SH3PXD2A: variants seen among roughly 807,000 people sequenced by gnomAD.
SH3PXD2A encodes the protein SH3 and PX domain-containing protein 2A.
In SH3PXD2A, 32 loss-of-function variants were observed where a neutral mutation model predicts 115.2. The ratio of observed to expected loss-of-function variants is 0.28; its 90% CI spans 0.21 to 0.37. SH3PXD2A has a LOEUF of 0.37. SH3PXD2A is among the 10% of genes least tolerant of loss of function. SH3PXD2A has a pLI of 1.00. For missense variants in SH3PXD2A, 1,328 were observed against 1,498.7 expected (o/e 0.89, Z 1.88); for synonymous variants, 610 against 629.1 (o/e 0.97, Z 0.45).
chr10:103,738,323 C>T (rs1378234758), intron 3 of SH3PXD2A, among the ~76,000 whole-genome samples: 1 of 152,180 alleles, frequency 6.6e-6, no homozygotes, highest in Non-Finnish European at 1.5e-5. Flanking sequence ...GGTTGCCTGT[C>T]GCTTGATTGC....
At chr10:103,821,263 C>T (rs564808725) in intron 1 of SH3PXD2A, among the ~76,000 whole-genome samples, 1 of 150,270 alleles carries the variant, frequency 6.7e-6, no homozygotes, top group South Asian at 2.1e-4. Context: ...CTGCCTCAGC[C>T]TCCCAAGTAG....
At chr10:103,698,518 G>A (rs536489475) in intron 5 of SH3PXD2A, among the ~76,000 whole-genome samples, 47 of 152,344 alleles carry the variant, frequency 3.1e-4, no homozygotes, top group Non-Finnish European at 5.7e-4. Flanking sequence ...TGACTTGGGG[G>A]TGACCTTCAG....
intron 2 of SH3PXD2A, among the ~76,000 whole-genome samples, chr10:103,789,552 C>CACACAT (rs976667636): frequency 4.0e-5 from 6 of 151,692 alleles, no homozygotes; most frequent in African/African-American, 1.5e-4. Flanking sequence ...CACACACACA[C>CACACAT]ACACAACACT....
rs899894560 is a variant in SH3PXD2A, at chr10:103,806,128, A to G, written c.73-4766T>C. On this transcript the variant is annotated intron_variant, in intron 1 of 14. Transcript: ENST00000369774. ...TATGCCCTGAGCAGCCATGAATGTG[A>G]CTCAGTGTGAAGGATGGGGAAGCGA... Among the ~76,000 whole-genome samples the G allele has an allele frequency of 3.9e-5, 6 of 152,200 alleles. No individual in the cohort carries two copies. In the East Asian group the frequency reaches 1.2e-3, roughly 29 times the overall value.
chr10:103,766,500 G>A (rs1041155247), intron 3 of SH3PXD2A, among the ~76,000 whole-genome samples: 1 of 152,146 alleles, frequency 6.6e-6, no homozygotes, highest in Non-Finnish European at 1.5e-5. Context: ...TCGGTATAGA[G>A]ATGTGCATAT....
intron 6 of SH3PXD2A, chr10:103,678,256 TC>T: frequency 1.4e-6 from 1 of 711,974 alleles, no homozygotes; most frequent in Non-Finnish European, 2.2e-6. Flanking sequence ...TCTGCGTGGG[TC>T]CAGACCAATC....
At chr10:103,810,086 A>C (rs778590571) in intron 1 of SH3PXD2A, among the ~76,000 whole-genome samples, 1 of 152,188 alleles carries the variant, frequency 6.6e-6, no homozygotes, top group Non-Finnish European at 1.5e-5. Context: ...TGCAGAATGA[A>C]GATCACAGTA....
chr10:103,750,899 C>T lies in SH3PXD2A; in HGVS notation c.230-15091G>A, dbSNP rs189971714. Among the ~76,000 whole-genome samples, 210 of 152,302 alleles carry T rather than the reference C, an allele frequency of 1.4e-3. 1 individual carries two copies. Among genetic ancestry groups the T allele is most frequent in the African/African-American group, 4.9e-3 (205 of 41,566 alleles). ...TTGCTTTGCCTGTGAACAATTTTGT[C>T]AGCACTACCCACAATGAGGGCCTAA... On this transcript the variant is annotated intron_variant, in intron 3 of 14. Coordinates refer to ENST00000369774, the MANE Select transcript of SH3PXD2A (RefSeq NM_001394015.1).
chr10:103,758,928 C>T (rs1471203921), intron 3 of SH3PXD2A, among the ~76,000 whole-genome samples: 1 of 152,232 alleles, frequency 6.6e-6, no homozygotes, highest in Non-Finnish European at 1.5e-5. Flanking sequence ...CTCAACCTCT[C>T]TTCCTTGGGG....
At chr10:103,714,438 T>C (rs1043441563) in intron 5 of SH3PXD2A, among the ~76,000 whole-genome samples, 2 of 152,180 alleles carry the variant, frequency 1.3e-5, no homozygotes, top group Non-Finnish European at 2.9e-5. Flanking sequence ...TCCCTGGACA[T>C]GGGCCTCCCA....
intron 3 of SH3PXD2A, among the ~76,000 whole-genome samples, chr10:103,738,324 G>A (rs17115877): frequency 0.031 from 4,746 of 152,268 alleles, 230 homozygotes; most frequent in African/African-American, 0.1. Context: ...GTTGCCTGTC[G>A]CTTGATTGCT....
intron 1 of SH3PXD2A, among the ~76,000 whole-genome samples, chr10:103,813,272 G>C (rs931798396): frequency 6.6e-6 from 1 of 152,176 alleles, no homozygotes; most frequent in Non-Finnish European, 1.5e-5. Flanking sequence ...GAATGAGAGA[G>C]AGGAGAAATG....
intron 2 of SH3PXD2A, among the ~76,000 whole-genome samples, chr10:103,787,259 G>A (rs1207244459): frequency 6.6e-6 from 1 of 152,132 alleles, no homozygotes; most frequent in Non-Finnish European, 1.5e-5. Flanking sequence ...CCCGCACCCT[G>A]GTTCTTGACT....
rs34903223 is a variant in SH3PXD2A at position 103,767,810 on chromosome 10, G to GTTTTTTTTTT, written c.154-651_154-642dup. Among the ~76,000 whole-genome samples, 345 of 67,574 alleles carry GTTTTTTTTTT rather than the reference G, an allele frequency of 5.1e-3. 5 individuals carry two copies. The highest frequency in any genetic ancestry group is 6.5e-3 in the East Asian group (14 of 2,164). 44.3% of individuals were successfully genotyped at this position (67,574 alleles called of 152,430 possible). ...AGGGTTCTGGAGGAACAACTGTTTT[G>GTTTTTTTTTT]TTTTTTTTTTTTTTTTTTTTTTTTG... On this transcript the variant is annotated intron_variant, in intron 2 of 14. Coordinates refer to ENST00000369774, the MANE Select transcript of SH3PXD2A (RefSeq NM_001394015.1).
chr10:103,720,629 T>A (rs35176054), intron 5 of SH3PXD2A, among the ~76,000 whole-genome samples: 17,095 of 152,294 alleles, frequency 0.11, 1,105 homozygotes, highest in Non-Finnish European at 0.13. Context: ...GATAATTTGA[T>A]AAGCCACTCC....
rs542172486 is a variant in SH3PXD2A at position 103,756,785 on chromosome 10, T to C, written c.229+10309A>G. ...CAGCATGGCCTCTTGGCTGTCCTTC[T>C]AAGACAGACCTCAGTCTACTTCCCT... On this transcript the variant is annotated intron_variant, in intron 3 of 14. Coordinates refer to ENST00000369774, the MANE Select transcript of SH3PXD2A (RefSeq NM_001394015.1). This position sits in a 1 kb window ranked among gnomAD's most constrained non-coding sequence, Gnocchi z 4.4. Among the ~76,000 whole-genome samples the C allele has an allele frequency of 5.3e-5, 8 of 152,150 alleles. No individual in the cohort carries two copies. Among genetic ancestry groups the C allele is most frequent in the African/African-American group, 1.2e-4 (5 of 41,442 alleles).
At chr10:103,653,834 C>A (rs1592283745) in intron 8 of SH3PXD2A, among the ~76,000 whole-genome samples, 1 of 152,132 alleles carries the variant, frequency 6.6e-6, no homozygotes, top group Non-Finnish European at 1.5e-5. Context: ...CCCTCCTCCC[C>A]ACACAGCCCG....
intron 11 of SH3PXD2A, among the ~76,000 whole-genome samples, chr10:103,613,736 C>G (rs1343268702): frequency 6.6e-6 from 1 of 152,132 alleles, no homozygotes; most frequent in African/African-American, 2.4e-5. Flanking sequence ...TTGCAAGATG[C>G]AGGGATAGAG....
intron 3 of SH3PXD2A, among the ~76,000 whole-genome samples, chr10:103,750,761 T>TCCAACAGGC (rs2038567796): frequency 6.6e-6 from 1 of 151,994 alleles, no homozygotes; most frequent in Non-Finnish European, 1.5e-5. Flanking sequence ...TCCATTCAGG[T>TCCAACAGGC]TGCTTTGTTG....
Sources: gnomAD v4.1 joint callset for allele counts (sites outside exome capture counted in the v4.1 genomes callset) on GRCh38, gnomAD v4.1.1 for gene constraint, Gnocchi (gnomAD v3.1) non-coding constraint, MANE v1.5 for transcripts, NCBI Gene and HGNC (gene_info 2026-07-23, HGNC 2026-07-21) for gene names.